The following AUTS2 variants were observed in gnomAD, a reference collection of about 807,000 sequenced individuals.
The protein encoded by AUTS2 is activator of transcription and developmental regulator AUTS2, also known as autism susceptibility gene 2 protein.
In AUTS2, 17 loss-of-function variants were observed where a neutral mutation model predicts 112.4. That is an observed-to-expected ratio of 0.15 (90% CI 0.10 to 0.23). The LOEUF is 0.23. AUTS2 is among the 10% of genes least tolerant of loss of function. The pLI is 1.00. For missense variants in AUTS2, 1,510 were observed against 1,701.6 expected (o/e 0.89, Z 1.98); for synonymous variants, 751 against 702.7 (o/e 1.07, Z -1.09).
At chr7:70,366,764 C>T (rs999926055) in intron 4 of AUTS2, among the ~76,000 whole-genome samples, 35 of 152,026 alleles carry the variant, frequency 2.3e-4, no homozygotes, top group Middle Eastern at 3.4e-3. Context: ...ATGTGGAGAA[C>T]GGAGAAACAA....
chr7:70,094,694 C>G (rs1804098772), intron 2 of AUTS2, among the ~76,000 whole-genome samples: 1 of 152,026 alleles, frequency 6.6e-6, no homozygotes, highest in Non-Finnish European at 1.5e-5. Context: ...TGGCAGTACC[C>G]CATCCTCAGA....
Position 70,676,109 on chromosome 7 carries a change from A to G in AUTS2, c.691-22460A>G, listed in dbSNP as rs1289664918. 2.0e-5 allele frequency among the ~76,000 whole-genome samples: 3 copies of G among 152,232 alleles called. No homozygotes were observed. In the East Asian group the frequency reaches 5.8e-4, roughly 29 times the overall value. ...ATTTGGATGGTTACTGACTTGGTATAAAAGGTTATTCCTCTTCATTAAAAA... is the reference window on the plus strand; with the variant it reads ...ATTTGGATGGTTACTGACTTGGTATGAAAGGTTATTCCTCTTCATTAAAAA... On this transcript the variant is annotated intron_variant, in intron 5 of 18. Coordinates refer to ENST00000342771, the MANE Select transcript of AUTS2 (RefSeq NM_015570.4).
chr7:70,393,978 C>T (rs1413229917), intron 4 of AUTS2, among the ~76,000 whole-genome samples: 1 of 152,194 alleles, frequency 6.6e-6, no homozygotes, highest in Non-Finnish European at 1.5e-5. Context: ...TGGGAACCTG[C>T]TCTATTCACT....
chr7:70,282,996 A>C (rs1449133459), intron 4 of AUTS2, among the ~76,000 whole-genome samples: 1 of 152,242 alleles, frequency 6.6e-6, no homozygotes, highest in East Asian at 1.9e-4. Context: ...ATATAGACAG[A>C]ATATGAATTT....
At chr7:69,801,256 A>G (rs1270878275) in intron 1 of AUTS2, among the ~76,000 whole-genome samples, 1 of 150,582 alleles carries the variant, frequency 6.6e-6, no homozygotes, top group Admixed American at 6.7e-5. Flanking sequence ...GGTAATTAAC[A>G]TGGCTAGATT....
At chr7:70,705,287 G>C (rs1472051119) in intron 6 of AUTS2, among the ~76,000 whole-genome samples, 1 of 152,228 alleles carries the variant, frequency 6.6e-6, no homozygotes, top group Non-Finnish European at 1.5e-5. Flanking sequence ...TATGAATCCA[G>C]TGACTGTACT....
At chr7:70,338,155 ACT>A (rs1397877820) in intron 4 of AUTS2, among the ~76,000 whole-genome samples, 1 of 152,190 alleles carries the variant, frequency 6.6e-6, no homozygotes, top group Non-Finnish European at 1.5e-5. Flanking sequence ...AGCAAATTGC[ACT>A]CTCTGCTCTA....
intron 4 of AUTS2, among the ~76,000 whole-genome samples, chr7:70,380,201 C>G (rs1308004029): frequency 1.3e-5 from 2 of 152,186 alleles, no homozygotes; most frequent in Non-Finnish European, 2.9e-5. Context: ...AGGTATTTGG[C>G]ACAAATGACA....
At chr7:70,543,569 A>G (rs1196437424) in intron 5 of AUTS2, among the ~76,000 whole-genome samples, 1 of 150,972 alleles carries the variant, frequency 6.6e-6, no homozygotes, top group African/African-American at 2.4e-5. Context: ...CCAAGCTAGC[A>G]GAGAGAGGGA....
intron 1 of AUTS2, among the ~76,000 whole-genome samples, chr7:69,746,146 A>G (rs1029136478): frequency 1.1e-4 from 17 of 152,016 alleles, no homozygotes; most frequent in African/African-American, 4.1e-4. Context: ...AAGTACTGGG[A>G]TTATAGGGCA....
At chr7:70,591,117 C>G (rs1043445419) in intron 5 of AUTS2, among the ~76,000 whole-genome samples, 3 of 152,118 alleles carry the variant, frequency 2.0e-5, no homozygotes, top group Non-Finnish European at 2.9e-5. Context: ...TTGAGTAAGG[C>G]TCAGGAAGAG....
intron 2 of AUTS2, among the ~76,000 whole-genome samples, chr7:70,078,339 G>C (rs984632720): frequency 6.6e-6 from 1 of 152,110 alleles, no homozygotes; most frequent in Non-Finnish European, 1.5e-5. Flanking sequence ...TCAGGACAAC[G>C]TGAGAATTTC....
rs545144615 is a variant in AUTS2 at position 70,122,584 on chromosome 7, A to G, written c.624+4351A>G. On this transcript the variant is annotated intron_variant, in intron 3 of 18. Transcript: ENST00000342771. ...TATAAAATCCTGTCAGTCTTATGTCAAGCCAGTCAATGAAACACTTCCGAT... is the reference window on the plus strand; with the variant it reads ...TATAAAATCCTGTCAGTCTTATGTCGAGCCAGTCAATGAAACACTTCCGAT... 2.6e-5 allele frequency among the ~76,000 whole-genome samples: 4 copies of G among 152,228 alleles called. No individual in the cohort carries two copies. The East Asian group carries it at 5.8e-4, about 22-fold the overall frequency.
At chr7:70,406,641 C>G (rs945764953) in intron 4 of AUTS2, among the ~76,000 whole-genome samples, 3 of 152,204 alleles carry the variant, frequency 2.0e-5, no homozygotes, top group South Asian at 2.1e-4. Context: ...TGTGTGCTTC[C>G]TCTCAGGCCT....
At chr7:69,899,589 A>G (rs1473829343) in intron 2 of AUTS2, 91 bp downstream of exon 2, 1 of 1,241,252 alleles carries the variant, frequency 8.1e-7, no homozygotes, top group African/African-American at 1.5e-5. Flanking sequence ...CAGGTGGAGA[A>G]GATATCCTTG....
chr7:70,610,411 CTT>C, intron 5 of AUTS2, among the ~76,000 whole-genome samples: 1 of 141,832 alleles, frequency 7.1e-6, no homozygotes, highest in Admixed American at 7.1e-5. Context: ...CTCACCAAAA[CTT>C]AGCGCTCATC....
chr7:70,107,390 C>G (rs1398627059), intron 2 of AUTS2, among the ~76,000 whole-genome samples: 1 of 130,796 alleles, frequency 7.6e-6, no homozygotes, highest in Admixed American at 8.6e-5. Flanking sequence ...TTTCGCCAGG[C>G]TGGAGTTCAG....
chr7:70,615,565 CTTGTTGTTGTTG>C (rs57037063), intron 5 of AUTS2, among the ~76,000 whole-genome samples: 15 of 148,590 alleles, frequency 1.0e-4, no homozygotes, highest in African/African-American at 1.5e-4. Flanking sequence ...AGATTTATGG[CTTGTTGTTGTTG>C]TTGTTGTTGT....
At chr7:70,252,704 G>A (rs145836989) in intron 4 of AUTS2, among the ~76,000 whole-genome samples, 5 of 152,030 alleles carry the variant, frequency 3.3e-5, no homozygotes, top group South Asian at 2.1e-4. Flanking sequence ...TTTTCCAGTA[G>A]TTTTACAGTT....
Sources: allele counts gnomAD v4.1 joint callset (sites outside exome capture counted in the v4.1 genomes callset), GRCh38; gene constraint gnomAD v4.1.1; transcripts MANE v1.5; gene names NCBI Gene and HGNC (gene_info 2026-07-23, HGNC 2026-07-21).